Variants in LYST observed in about 807,000 individuals in gnomAD.
LYST encodes the protein lysosomal-trafficking regulator.
Under a neutral mutation model 413.6 loss-of-function variants are expected in LYST, and 192 were observed. The ratio of observed to expected loss-of-function variants is 0.46; its 90% CI spans 0.41 to 0.52. The LOEUF is 0.52. LYST is among the 20% of genes least tolerant of loss of function. LYST has a pLI of 0.00. For synonymous variants in LYST, 1,525 were observed against 1,567.3 expected (o/e 0.97, Z 0.64); for missense variants, 3,815 against 4,499.9 (o/e 0.85, Z 4.35).
chr1:235,849,833 C>T (rs1282218263), intron 1 of LYST, among the ~76,000 whole-genome samples: 3 of 149,062 alleles, frequency 2.0e-5, no homozygotes, highest in Non-Finnish European at 4.5e-5. Context: ...ATTGAAAGAT[C>T]TCTACAAGGA....
intron 1 of LYST, among the ~76,000 whole-genome samples, chr1:235,861,955 T>C (rs1237391782): frequency 6.6e-6 from 1 of 152,246 alleles, no homozygotes; most frequent in African/African-American, 2.4e-5. Flanking sequence ...TGCATATTAC[T>C]AACTTACCAG....
At chr1:235,803,097 T>G (rs1672424356) in intron 7 of LYST, 33 bp from the exon 8 acceptor site, 3 of 1,574,714 alleles carry the variant, frequency 1.9e-6, no homozygotes, top group Non-Finnish European at 2.6e-6. Context: ...GGTTGTAACA[T>G]TTGCTTGTTT....
intron 50 of LYST, among the ~76,000 whole-genome samples, chr1:235,667,646 C>T (rs1488269468): frequency 6.6e-6 from 1 of 151,952 alleles, no homozygotes; most frequent in African/African-American, 2.4e-5. Flanking sequence ...TGCATATAAC[C>T]TCTGCACATC....
At chr1:235,704,724 T>A (rs1245174689) in intron 44 of LYST, among the ~76,000 whole-genome samples, 1 of 152,038 alleles carries the variant, frequency 6.6e-6, no homozygotes, top group Non-Finnish European at 1.5e-5. Context: ...CTATTGATAG[T>A]TTTTTTTCCT....
chr1:235,833,061 T>A (rs1364602080), intron 2 of LYST, among the ~76,000 whole-genome samples: 1 of 151,988 alleles, frequency 6.6e-6, no homozygotes, highest in African/African-American at 2.4e-5. Flanking sequence ...AATTATCTTA[T>A]CCAATATTCA....
intron 45 of LYST, among the ~76,000 whole-genome samples, chr1:235,701,384 C>CT (rs1419606861): frequency 6.6e-6 from 1 of 151,982 alleles, no homozygotes; most frequent in Non-Finnish European, 1.5e-5. Context: ...AATCCCAGCA[C>CT]TTTGGGAGGC....
At chr1:235,781,792 G>C in intron 15 of LYST, 135 bp downstream of exon 15, 1 of 671,422 alleles carries the variant, frequency 1.5e-6, no homozygotes, top group South Asian at 1.6e-5. Context: ...GAACATAGAT[G>C]GATATTTTAG....
Position 235,781,537 on chromosome 1 carries a change from TAA to T in LYST, c.5023+388_5023+389del, listed in dbSNP as rs146775996. Among the ~76,000 whole-genome samples, 313 of 152,130 alleles carry T rather than the reference TAA, an allele frequency of 2.1e-3. 1 individual carries two copies. The highest frequency in any genetic ancestry group is 7.1e-3 in the African/African-American group (293 of 41,540). ...TTTTCCCTAAAATTTGATATTTGTA[TAA>T]GATATAATAAAATTATAAAGGAGAC... is the stretch of plus-strand genomic sequence containing the variant. On this transcript the variant is annotated intron_variant, in intron 15 of 52. Transcript: ENST00000389793.
rs1362922641 is a variant in LYST at position 235,731,090 on chromosome 1, C to G, written c.8889G>C (p.Gln2963His). ...TATTTGGAATAGTTAAATAACATCTCTGTAAACGTCTCCTCTCTCGATTTG... is the reference window on the plus strand; with the variant it reads ...TATTTGGAATAGTTAAATAACATCTGTGTAAACGTCTCCTCTCTCGATTTG... The part of the protein sequence containing the change: ...EGPNRERRRL[Q>H]RCYLTIPNKY... Residue 2963 changes from glutamine to histidine, a missense_variant, in exon 35 of 53, where the codon CAG becomes CAC. Gln to His is a conservative substitution (Grantham distance 24). Around this residue, in one of 4 missense-constraint regions of LYST, gnomAD observed 866 missense variants for 1,156.0 expected, o/e 0.75. Coordinates refer to ENST00000389793, the MANE Select transcript of LYST (RefSeq NM_000081.4). 6.2e-7 allele frequency: 1 copy of G among 1,613,700 alleles called. No individual in the cohort carries two copies. The highest frequency in any genetic ancestry group is 8.5e-7 in the Non-Finnish European group (1 of 1,179,606).
chr1:235,802,914 C>T lies in LYST; in HGVS notation c.3706G>A (p.Asp1236Asn). 1 of 1,613,470 alleles carries T rather than the reference C, an allele frequency of 6.2e-7. No individual in the cohort carries two copies. Among genetic ancestry groups the T allele is most frequent in the South Asian group, 1.1e-5 (1 of 91,066 alleles). Residue 1236 changes from aspartate to asparagine, a missense_variant, in exon 8 of 53, where the codon GAT becomes AAT. Transcript: ENST00000389793. ...CACTTCAATGATATTTTACCATCATCCTGGGTTTCGCCATCTTCAGGATTG... is the reference window on the plus strand; with the variant it reads ...CACTTCAATGATATTTTACCATCATTCTGGGTTTCGCCATCTTCAGGATTG... ...ESNPEDGETQ[D>N]DGVDLKSETE... is the part of the protein sequence containing the mutation.
intron 23 of LYST, among the ~76,000 whole-genome samples, chr1:235,758,314 T>C (rs1667237215): frequency 6.6e-6 from 1 of 152,076 alleles, no homozygotes; most frequent in Non-Finnish European, 1.5e-5. Flanking sequence ...AGAAGGAAAA[T>C]GGCTGAAGAA....
At chr1:235,782,855 T>C (rs1239936723) in intron 14 of LYST, among the ~76,000 whole-genome samples, 5 of 152,228 alleles carry the variant, frequency 3.3e-5, no homozygotes, top group Non-Finnish European at 4.4e-5. Flanking sequence ...AAAATTTCTG[T>C]CTAGCCATTG....
At position 235,738,111 on chromosome 1, in the gene LYST, G is replaced by A. The variant is rs78863250; in HGVS notation, c.8358+3311C>T. 11,408 of 1,607,572 alleles carry A rather than the reference G, an allele frequency of 7.1e-3. 678 individuals are homozygous for A. In the African/African-American group the frequency reaches 0.13, roughly 18 times the overall value. The stretch of plus-strand genomic sequence containing the variant: ...TGCTCTTGGCATGGCCTGTGCCATC[G>A]GTATCTTAATGAAGGACTTGGCAGG... On this transcript the variant is annotated intron_variant, in intron 31 of 52. Coordinates refer to ENST00000389793, the MANE Select transcript of LYST (RefSeq NM_000081.4).
At chr1:235,833,104 G>C (rs902191904) in intron 2 of LYST, among the ~76,000 whole-genome samples, 1 of 151,370 alleles carries the variant, frequency 6.6e-6, no homozygotes, top group African/African-American at 2.4e-5. Context: ...AATTGTATCA[G>C]TTTGCACTAA....
intron 47 of LYST, among the ~76,000 whole-genome samples, chr1:235,690,277 C>T (rs1660546393): frequency 6.6e-6 from 1 of 152,176 alleles, no homozygotes; most frequent in African/African-American, 2.4e-5. Context: ...CTAACTCCCA[C>T]TGTACATATT....
chr1:235,755,416 A>AAGAAG, intron 25 of LYST, 62 bp downstream of exon 25: 1 of 1,396,422 alleles, frequency 7.2e-7, no homozygotes, highest in Non-Finnish European at 1.0e-6. Flanking sequence ...AAGAAAAGAA[A>AAGAAG]AGAAAAGAAA....
upstream of LYST, among the ~76,000 whole-genome samples, chr1:235,867,322 C>A (rs1028724922): frequency 2.0e-5 from 3 of 152,178 alleles, no homozygotes; most frequent in African/African-American, 7.2e-5. Context: ...CACAGACTGT[C>A]AACCTGTCCC....
Position 235,802,993 on chromosome 1 carries a change from A to G in LYST, c.3627T>C (p.Cys1209=). ...DFSEEAEDSQ[C]CSFKLLVEEE... is the part of the protein sequence containing the mutation. The stretch of plus-strand genomic sequence containing the variant: ...CTTCAACTAAAAGTTTAAAACTACA[A>G]CACTGAGAATCCTCAGCTTCTTCTG... Residue 1209 remains cysteine, a synonymous_variant, in exon 8 of 53, where the codon TGT becomes TGC. Transcript: ENST00000389793. The G allele has an allele frequency of 5.6e-6, 9 of 1,613,360 alleles. No homozygotes were observed. The highest frequency in any genetic ancestry group is 7.6e-6 in the Non-Finnish European group (9 of 1,179,616).
intron 39 of LYST, among the ~76,000 whole-genome samples, chr1:235,721,474 T>C (rs1356178124): frequency 6.6e-6 from 1 of 152,156 alleles, no homozygotes; most frequent in Non-Finnish European, 1.5e-5. Flanking sequence ...AAAAGGGGTA[T>C]TGGTTCTTTT....
Sources: gnomAD v4.1 joint callset for allele counts (sites outside exome capture counted in the v4.1 genomes callset) on GRCh38, gnomAD v4.1.1 for gene constraint, gnomAD v4.1.1 regional missense constraint, MANE v1.5 for transcripts, NCBI Gene and HGNC (gene_info 2026-07-23, HGNC 2026-07-21) for gene names.